TGFBRAP1: variants seen among roughly 807,000 people sequenced by gnomAD.
TGFBRAP1 encodes transforming growth factor beta receptor associated protein 1, also known as transforming growth factor-beta receptor-associated protein 1.
In TGFBRAP1, 20 loss-of-function variants were observed where a neutral mutation model predicts 83.2. The ratio of observed to expected loss-of-function variants is 0.24; its 90% CI spans 0.17 to 0.35. The LOEUF (loss-of-function observed/expected upper bound fraction) is 0.35. Among genes scored for constraint, TGFBRAP1 ranks in the 10% least tolerant of loss-of-function variants. The pLI, the probability that TGFBRAP1 is intolerant of heterozygous loss-of-function variation, is 1.00. For missense variants in TGFBRAP1, 950 were observed against 1,099.4 expected (o/e 0.86, Z 1.92); for synonymous variants, 415 against 459.8 (o/e 0.90, Z 1.25).
chr2:105,280,366 G>A lies in TGFBRAP1; in HGVS notation c.1463+16C>T, dbSNP rs753882089. 6.2e-7 allele frequency: 1 copy of A among 1,608,744 alleles called. No individual in the cohort carries two copies. Among genetic ancestry groups the A allele is most frequent in the Non-Finnish European group, 8.5e-7 (1 of 1,177,386 alleles). On this transcript the variant is annotated intron_variant, in intron 6 of 11. Coordinates refer to ENST00000393359, the MANE Select transcript of TGFBRAP1 (RefSeq NM_004257.6). ...AGGGCGGGAAGCCCTGATCATATCA[G>A]GAAGGGAACACTCACTTTTTGTGCT...
chr2:105,275,467 A>G (rs1677307031), intron 8 of TGFBRAP1, 93 bp downstream of exon 8: 1 of 1,521,078 alleles, frequency 6.6e-7, no homozygotes, highest in Middle Eastern at 1.7e-4. Flanking sequence ...GTTGAAATGT[A>G]GCTTTCTTTT....
the TGFBRAP1 span, chr2:105,249,574 C>A: frequency 1.3e-5 from 2 of 152,190 alleles, no homozygotes; most frequent in Admixed American, 6.5e-5. Flanking sequence ...CACATTTAAC[C>A]TTTCAGACAC....
intron 4 of TGFBRAP1, among the ~76,000 whole-genome samples, chr2:105,285,809 A>G (rs910114868): frequency 6.6e-6 from 1 of 152,226 alleles, no homozygotes; most frequent in South Asian, 2.1e-4. Context: ...TAAACCTTTC[A>G]GTTTTCCCTT....
Position 105,267,440 on chromosome 2 carries a change from G to C in TGFBRAP1, c.2526C>G (p.His842Gln), listed in dbSNP as rs61738977. ...GGTTTGTGTGTCTGCTGGCGGCACA[G>C]TGGGTGTGCACAAGACCACCATTTG... ...RYPNGGLVHT[H>Q]CAASRHTNPS... is the part of the protein sequence containing the mutation. Residue 842 changes from histidine to glutamine, a missense_variant, in exon 12 of 12, where the codon CAC becomes CAG. Coordinates refer to ENST00000393359, the MANE Select transcript of TGFBRAP1 (RefSeq NM_004257.6). 59 of 1,614,226 alleles carry C rather than the reference G, an allele frequency of 3.7e-5. No homozygotes were observed. The African/African-American group carries it at 7.1e-4, about 19-fold the overall frequency.
chr2:105,320,353 C>T (rs1331763930), intron 1 of TGFBRAP1, among the ~76,000 whole-genome samples: 1 of 152,064 alleles, frequency 6.6e-6, no homozygotes, highest in Non-Finnish European at 1.5e-5. Flanking sequence ...AAAGGACACA[C>T]TACCTCAAGT....
Position 105,267,096 on chromosome 2 carries a change from T to A in TGFBRAP1, c.*287A>T. The A allele has an allele frequency of 1.2e-5, 3 of 250,942 alleles. No individual in the cohort carries two copies. The highest frequency in any genetic ancestry group is 4.9e-5 in the Admixed American group (1 of 20,248). The allele number at this position is 250,942 out of a possible 1,614,324, so 15.5% of individuals were successfully genotyped here. The stretch of plus-strand genomic sequence containing the variant: ...CTTTTTTTTTTTTTCAAAGTAGACC[T>A]CTGTCTTGGATTACTATGTACCTGG... On this transcript the variant is annotated 3_prime_UTR_variant, in exon 12 of 12. Transcript: ENST00000393359.
the TGFBRAP1 span, chr2:105,249,772 G>T: frequency 2.0e-5 from 3 of 152,374 alleles, no homozygotes; most frequent in African/African-American, 7.2e-5. Flanking sequence ...GCTGTTGAAA[G>T]GTGGAGGCTG....
intron 10 of TGFBRAP1, among the ~76,000 whole-genome samples, chr2:105,271,260 A>G (rs977750667): frequency 3.9e-5 from 6 of 152,240 alleles, no homozygotes; most frequent in African/African-American, 7.2e-5. Flanking sequence ...CTCAATGCAC[A>G]GTGACACACT....
In TGFBRAP1 at chr2:105,299,370, G is replaced by T. The variant is rs116200155; in HGVS notation, c.689-665C>A. ...AGATTGACAAAGCATGTGTCCTCACGTGAGGACAAAGTGACTTTCAAATAG... is the reference window on the plus strand; with the variant it reads ...AGATTGACAAAGCATGTGTCCTCACTTGAGGACAAAGTGACTTTCAAATAG... On this transcript the variant is annotated intron_variant, in intron 2 of 11. Coordinates refer to ENST00000393359, the MANE Select transcript of TGFBRAP1 (RefSeq NM_004257.6). Among the ~76,000 whole-genome samples, 1,018 of 152,220 alleles carry T rather than the reference G, an allele frequency of 6.7e-3. 3 individuals are homozygous for T. Among genetic ancestry groups the T allele is most frequent in the African/African-American group, 0.023 (948 of 41,544 alleles).
chr2:105,285,758 A>G (rs1187226632), intron 4 of TGFBRAP1, among the ~76,000 whole-genome samples: 1 of 152,244 alleles, frequency 6.6e-6, no homozygotes, highest in Non-Finnish European at 1.5e-5. Context: ...ACCTACTTCC[A>G]GTAGAAATCC....
At chr2:105,297,096 G>A (rs6708512) in intron 3 of TGFBRAP1, among the ~76,000 whole-genome samples, 1,928 of 152,094 alleles carry the variant, frequency 0.013, 52 homozygotes, top group African/African-American at 0.045. Flanking sequence ...TTACCTGTGA[G>A]CCCCTCCACA....
At chr2:105,327,967 T>A (rs918597272) in intron 1 of TGFBRAP1, among the ~76,000 whole-genome samples, 2 of 152,212 alleles carry the variant, frequency 1.3e-5, no homozygotes, top group Admixed American at 6.5e-5. Flanking sequence ...AGGTTAACAA[T>A]TACTCAAAAC....
At chr2:105,276,958 CG>C (rs1428395161) in intron 7 of TGFBRAP1, among the ~76,000 whole-genome samples, 3 of 152,154 alleles carry the variant, frequency 2.0e-5, no homozygotes, top group Non-Finnish European at 4.4e-5. Flanking sequence ...GGAAACAACA[CG>C]GTGCAGTACA....
chr2:105,320,849 A>G (rs1679035495), intron 1 of TGFBRAP1, among the ~76,000 whole-genome samples: 1 of 152,240 alleles, frequency 6.6e-6, no homozygotes, highest in South Asian at 2.1e-4. Flanking sequence ...TACCTTTCCA[A>G]AGGATTAACA....
chr2:105,268,538 G>A (rs991583738), intron 11 of TGFBRAP1, among the ~76,000 whole-genome samples: 3 of 152,210 alleles, frequency 2.0e-5, no homozygotes, highest in African/African-American at 7.2e-5. Context: ...AAGCAACAAA[G>A]TATGAAATAC....
At chr2:105,297,695 G>C (rs1463035082) in intron 3 of TGFBRAP1, among the ~76,000 whole-genome samples, 1 of 152,202 alleles carries the variant, frequency 6.6e-6, no homozygotes, top group Admixed American at 6.5e-5. Context: ...ACATGAGATG[G>C]TATTGTAAAT....
chr2:105,319,970 C>T (rs1679007948), intron 1 of TGFBRAP1, among the ~76,000 whole-genome samples: 1 of 151,764 alleles, frequency 6.6e-6, no homozygotes, highest in Admixed American at 6.6e-5. Context: ...ATAGGAAACT[C>T]CTAATCTGGT....
At chr2:105,324,766 C>A (rs1679175088) in intron 1 of TGFBRAP1, among the ~76,000 whole-genome samples, 1 of 152,024 alleles carries the variant, frequency 6.6e-6, no homozygotes, top group South Asian at 2.1e-4. Flanking sequence ...TTGGGAGAAG[C>A]AGTTAAGTGG....
intron 5 of TGFBRAP1, among the ~76,000 whole-genome samples, chr2:105,282,935 T>A (rs987874289): frequency 3.9e-5 from 6 of 152,058 alleles, no homozygotes; most frequent in African/African-American, 1.4e-4. Flanking sequence ...AGTACAGGAA[T>A]GTCATCCTAA....
Sources: allele counts gnomAD v4.1 joint callset (sites outside exome capture counted in the v4.1 genomes callset), GRCh38; gene constraint gnomAD v4.1.1; transcripts MANE v1.5; gene names NCBI Gene and HGNC (gene_info 2026-07-23, HGNC 2026-07-21).